The following MARCHF1 variants were observed in gnomAD, a reference collection of about 807,000 sequenced individuals.
The protein encoded by MARCHF1 is E3 ubiquitin-protein ligase MARCHF1.
In MARCHF1, 40 loss-of-function variants were observed where a neutral mutation model predicts 54.2. The observed-to-expected ratio is 0.74, with a 90% confidence interval of 0.57 to 0.96. The LOEUF is 0.96. MARCHF1 is among the 40% of genes least tolerant of loss of function. MARCHF1 has a pLI of 0.00. For missense variants in MARCHF1, 586 were observed against 656.5 expected (o/e 0.89, Z 1.17); for synonymous variants, 236 against 236.3 (o/e 1.00, Z 0.01).
In MARCHF1 at chr4:163,763,746, A is replaced by G. The variant is rs879933077; in HGVS notation, c.112-62883T>C. On this transcript the variant is annotated intron_variant, in intron 4 of 9. Coordinates refer to ENST00000514618, the MANE Select transcript of MARCHF1 (RefSeq NM_001394959.1). ...AGGCTGTGGTAGTAAGAACTCTGAT[A>G]GCTCTGCTTTCAAATTAATGGATTA... Among the ~76,000 whole-genome samples, 8 of 152,220 alleles carry G rather than the reference A, an allele frequency of 5.3e-5. No individual in the cohort carries two copies. In the Middle Eastern group the frequency reaches 0.014, roughly 259 times the overall value.
chr4:164,315,196 C>A lies in MARCHF1; in HGVS notation c.-323+68674G>T, dbSNP rs1439490155. Reference sequence around the variant, plus strand: ...CAATGCAAATAAGAGTAGCTAAGGCCAACTTTAGCTTTCTTCTGTATTGGG... The same window carrying A: ...CAATGCAAATAAGAGTAGCTAAGGCAAACTTTAGCTTTCTTCTGTATTGGG... On this transcript the variant is annotated intron_variant, in intron 1 of 9. Coordinates refer to ENST00000514618, the MANE Select transcript of MARCHF1 (RefSeq NM_001394959.1). 3.6e-5 allele frequency among the ~76,000 whole-genome samples: 4 copies of A among 112,390 alleles called. No individual in the cohort carries two copies. The South Asian group carries it at 9.3e-4, about 26-fold the overall frequency. 73.7% of individuals were successfully genotyped at this position (112,390 alleles called of 152,430 possible). A position where few individuals can be genotyped will look rare whatever the true frequency, so the allele number is the denominator to read the frequency against.
chr4:163,920,844 T>G (rs1433764255), intron 3 of MARCHF1, among the ~76,000 whole-genome samples: 1 of 147,320 alleles, frequency 6.8e-6, no homozygotes, highest in African/African-American at 2.4e-5. Flanking sequence ...TTTTAGAATT[T>G]CCAGAACCTA....
chr4:164,013,488 C>G (rs1222738370), intron 2 of MARCHF1, among the ~76,000 whole-genome samples: 1 of 152,024 alleles, frequency 6.6e-6, no homozygotes, highest in African/African-American at 2.4e-5. Context: ...GAAATAATAA[C>G]AGAAAATCTT....
intron 7 of MARCHF1, among the ~76,000 whole-genome samples, chr4:163,611,524 T>G (rs543217519): frequency 1.3e-5 from 2 of 152,148 alleles, no homozygotes; most frequent in African/African-American, 4.8e-5. Context: ...TATGAAAATG[T>G]ACAAATATAT....
intron 7 of MARCHF1, among the ~76,000 whole-genome samples, chr4:163,597,243 C>A (rs1483058273): frequency 6.6e-6 from 1 of 152,176 alleles, no homozygotes; most frequent in African/African-American, 2.4e-5. Context: ...GAGGCATGAA[C>A]CACCACGCCT....
At chr4:164,214,782 G>A (rs2111129784) in intron 1 of MARCHF1, among the ~76,000 whole-genome samples, 1 of 152,208 alleles carries the variant, frequency 6.6e-6, no homozygotes, top group East Asian at 1.9e-4. Flanking sequence ...ATATTTTATG[G>A]TTTACCACAA....
At chr4:163,905,219 A>T (rs1248318833) in intron 3 of MARCHF1, among the ~76,000 whole-genome samples, 1 of 152,100 alleles carries the variant, frequency 6.6e-6, no homozygotes, top group African/African-American at 2.4e-5. Flanking sequence ...TGAGACAAAA[A>T]GTGAAGAAAA....
intron 1 of MARCHF1, among the ~76,000 whole-genome samples, chr4:164,321,755 G>T (rs1228708377): frequency 6.6e-6 from 1 of 151,988 alleles, no homozygotes; most frequent in Non-Finnish European, 1.5e-5. Flanking sequence ...TAGCACAAAA[G>T]ATCTAAAGAC....
intron 1 of MARCHF1, among the ~76,000 whole-genome samples, chr4:164,315,776 T>C (rs1734980472): frequency 6.6e-6 from 1 of 152,196 alleles, no homozygotes; most frequent in South Asian, 2.1e-4. Flanking sequence ...CATAACTAGG[T>C]CATATATAAT....
chr4:163,838,309 T>C (rs894199646), intron 4 of MARCHF1, among the ~76,000 whole-genome samples: 1 of 152,086 alleles, frequency 6.6e-6, no homozygotes, highest in Admixed American at 6.6e-5. Flanking sequence ...TTATAGTTCC[T>C]AATACAATGT....
At chr4:164,127,526 A>G (rs1484461064) in intron 1 of MARCHF1, among the ~76,000 whole-genome samples, 1 of 152,200 alleles carries the variant, frequency 6.6e-6, no homozygotes, top group Non-Finnish European at 1.5e-5. Flanking sequence ...ATTACATGGC[A>G]TATTCAAGAG....
At chr4:163,589,580 AT>A (rs1219033141) in intron 7 of MARCHF1, among the ~76,000 whole-genome samples, 1 of 152,128 alleles carries the variant, frequency 6.6e-6, no homozygotes, top group Non-Finnish European at 1.5e-5. Context: ...GAAATAAAAA[AT>A]AATGTGATCG....
chr4:163,799,289 A>C (rs1748011514), intron 4 of MARCHF1, among the ~76,000 whole-genome samples: 1 of 152,098 alleles, frequency 6.6e-6, no homozygotes. Flanking sequence ...AGAAATTCTT[A>C]ATAAATAATT....
intron 3 of MARCHF1, among the ~76,000 whole-genome samples, chr4:163,933,652 T>C (rs1751730146): frequency 6.6e-6 from 1 of 152,240 alleles, no homozygotes; most frequent in Non-Finnish European, 1.5e-5. Context: ...CATTTCTACA[T>C]TCCCTCCCAT....
chr4:163,737,204 AT>A (rs1174293219), intron 4 of MARCHF1, among the ~76,000 whole-genome samples: 3 of 25,070 alleles, frequency 1.2e-4, no homozygotes, highest in Admixed American at 7.2e-4. Flanking sequence ...TTATTTATTT[AT>A]TTTTTTTAAT....
At chr4:163,593,610 C>G (rs1740663363) in intron 7 of MARCHF1, among the ~76,000 whole-genome samples, 1 of 152,252 alleles carries the variant, frequency 6.6e-6, no homozygotes, top group African/African-American at 2.4e-5. Flanking sequence ...TTTTTCTAAG[C>G]TCATCCTCAA....
chr4:163,562,673 C>A (rs1739510005), intron 8 of MARCHF1, among the ~76,000 whole-genome samples: 1 of 152,142 alleles, frequency 6.6e-6, no homozygotes, highest in South Asian at 2.1e-4. Context: ...TCTTTTCTCA[C>A]ACTTCTGTCA....
intron 4 of MARCHF1, among the ~76,000 whole-genome samples, chr4:163,817,080 G>T (rs1229983563): frequency 6.6e-6 from 1 of 151,880 alleles, no homozygotes; most frequent in African/African-American, 2.4e-5. Flanking sequence ...TATTTTCTCG[G>T]CAATTTTACA....
intron 1 of MARCHF1, among the ~76,000 whole-genome samples, chr4:164,338,695 G>A (rs1729828571): frequency 6.6e-6 from 1 of 152,130 alleles, no homozygotes; most frequent in Non-Finnish European, 1.5e-5. Context: ...AATTCAGGTT[G>A]GGTGCGGTGG....
Sources: allele counts gnomAD v4.1 joint callset (sites outside exome capture counted in the v4.1 genomes callset), GRCh38; gene constraint gnomAD v4.1.1; transcripts MANE v1.5; gene names NCBI Gene and HGNC (gene_info 2026-07-23, HGNC 2026-07-21).